Variants in ALK observed in about 807,000 individuals in gnomAD.
The protein encoded by ALK is ALK tyrosine kinase receptor.
In ALK, 74 loss-of-function variants were observed where a neutral mutation model predicts 163.1. The observed-to-expected ratio is 0.45, with a 90% CI of 0.38 to 0.55. The LOEUF is 0.55. Among genes scored for constraint, ALK ranks in the 20% least tolerant of loss-of-function variants. The pLI, the probability that ALK is intolerant of heterozygous loss-of-function variation, is 0.00. For synonymous variants in ALK, 960 were observed against 843.2 expected, an observed-to-expected ratio of 1.14 and a Z score of -2.40; for missense variants, 2,063 against 2,105.3, an observed-to-expected ratio of 0.98 and a Z score of 0.39.
At chr2:29,469,466 C>G (rs138327595) in intron 4 of ALK, among the ~76,000 whole-genome samples, 1 of 152,294 alleles carries the variant, frequency 6.6e-6, no homozygotes. Context: ...AGGGTGTTCT[C>G]TCTCAGAAAG....
chr2:29,719,347 C>T (rs1039186514), intron 1 of ALK, among the ~76,000 whole-genome samples: 1 of 152,170 alleles, frequency 6.6e-6, no homozygotes, highest in Non-Finnish European at 1.5e-5. Flanking sequence ...TGCAAAACAG[C>T]TCAGAGGAAA....
intron 3 of ALK, among the ~76,000 whole-genome samples, chr2:29,558,575 G>T (rs4322798): frequency 0.96 from 145,617 of 152,070 alleles, 70,016 homozygotes; most frequent in Non-Finnish European, 1. Flanking sequence ...TTCTTCCCCT[G>T]CTCTACCTTG....
At chr2:29,844,763 G>A (rs1665794246) in intron 1 of ALK, among the ~76,000 whole-genome samples, 1 of 151,904 alleles carries the variant, frequency 6.6e-6, no homozygotes, top group African/African-American at 2.4e-5. Flanking sequence ...TCATCAGCAG[G>A]GAAATTAGAG....
chr2:29,672,732 G>T (rs1006237690), intron 3 of ALK, among the ~76,000 whole-genome samples: 3 of 151,990 alleles, frequency 2.0e-5, no homozygotes, highest in African/African-American at 7.3e-5. Context: ...TCTACTTCTA[G>T]ATCCCTGAGG....
At chr2:29,554,525 A>G (rs937993526) in intron 3 of ALK, among the ~76,000 whole-genome samples, 9 of 152,188 alleles carry the variant, frequency 5.9e-5, no homozygotes, top group African/African-American at 2.2e-4. Flanking sequence ...TCAATGCTTA[A>G]AAGTCAGGAA....
At chr2:29,273,889 G>A (rs1441513979) in intron 11 of ALK, among the ~76,000 whole-genome samples, 1 of 152,174 alleles carries the variant, frequency 6.6e-6, no homozygotes, top group East Asian at 1.9e-4. Flanking sequence ...AAGTTAGAAG[G>A]CTGCCTCTAT....
intron 3 of ALK, among the ~76,000 whole-genome samples, chr2:29,589,634 T>C (rs1244540997): frequency 6.6e-6 from 1 of 152,234 alleles, no homozygotes. Flanking sequence ...CTTTAGGCTC[T>C]GACCGGACAA....
chr2:29,823,329 A>G (rs1043383612), intron 1 of ALK, among the ~76,000 whole-genome samples: 12 of 152,196 alleles, frequency 7.9e-5, no homozygotes, highest in African/African-American at 2.9e-4. Context: ...CTAATAAAGT[A>G]AATTGGTACC....
chr2:29,382,043 T>C (rs1668910781), intron 5 of ALK, among the ~76,000 whole-genome samples: 1 of 152,160 alleles, frequency 6.6e-6, no homozygotes, highest in African/African-American at 2.4e-5. Flanking sequence ...ACAGAGAACA[T>C]TTGCCTCCTC....
At chr2:29,848,075 C>T (rs1234166636) in intron 1 of ALK, among the ~76,000 whole-genome samples, 1 of 152,094 alleles carries the variant, frequency 6.6e-6, no homozygotes, top group Non-Finnish European at 1.5e-5. Flanking sequence ...CTCTTGGCTG[C>T]TGGTGAGGCT....
intron 9 of ALK, among the ~76,000 whole-genome samples, chr2:29,283,940 C>T (rs765614462): frequency 1.5e-4 from 23 of 152,012 alleles, no homozygotes; most frequent in South Asian, 1.0e-3. Context: ...ATGTGTAAGA[C>T]GTGGACCTTG....
intron 1 of ALK, among the ~76,000 whole-genome samples, chr2:29,829,033 G>A (rs994514795): frequency 1.6e-4 from 24 of 151,658 alleles, no homozygotes; most frequent in African/African-American, 5.6e-4. Context: ...GATGAAGCTG[G>A]AAACCATCAT....
At chr2:29,471,152 T>C (rs188704466) in intron 4 of ALK, among the ~76,000 whole-genome samples, 3 of 152,326 alleles carry the variant, frequency 2.0e-5, no homozygotes, top group Non-Finnish European at 4.4e-5. Flanking sequence ...TATAATTAAA[T>C]ACTTTTCTAC....
intron 4 of ALK, among the ~76,000 whole-genome samples, chr2:29,521,676 T>G (rs920236483): frequency 6.6e-6 from 1 of 152,186 alleles, no homozygotes; most frequent in Non-Finnish European, 1.5e-5. Flanking sequence ...AGGCTGGGCA[T>G]GAATGCAGAG....
At chr2:29,541,105 T>C (rs1325027286) in intron 3 of ALK, among the ~76,000 whole-genome samples, 1 of 152,240 alleles carries the variant, frequency 6.6e-6, no homozygotes, top group Non-Finnish European at 1.5e-5. Flanking sequence ...CTACCTGCAA[T>C]GCCACCTCCT....
chr2:29,682,430 G>A (rs1678103510), intron 3 of ALK, among the ~76,000 whole-genome samples: 1 of 152,052 alleles, frequency 6.6e-6, no homozygotes. Context: ...GCTCCAAATA[G>A]GATATAATCT....
chr2:29,693,655 C>A (rs1309657936), intron 3 of ALK, among the ~76,000 whole-genome samples: 29 of 152,156 alleles, frequency 1.9e-4, no homozygotes, highest in Admixed American at 1.9e-3. Flanking sequence ...CCTCCAATCT[C>A]CCTCATCAGC....
In ALK at chr2:29,207,275, G is replaced by A. The variant is rs2148152279; in HGVS notation, c.3837-3C>T. On this transcript the variant is annotated splice_polypyrimidine_tract_variant and splice_region_variant and intron_variant, in intron 25 of 28. Transcript: ENST00000389048. ...CTCCCTTTCTATAGTAGCTCGCCCT[G>A]TGGGGAAGGAGAGGAAAACCAAACT... 2 of 1,613,550 alleles carry A rather than the reference G, an allele frequency of 1.2e-6. No individual in the cohort carries two copies. The highest frequency in any genetic ancestry group is 1.7e-6 in the Non-Finnish European group (2 of 1,179,456).
intron 7 of ALK, among the ~76,000 whole-genome samples, chr2:29,318,908 A>G (rs1304670766): frequency 6.6e-6 from 1 of 152,076 alleles, no homozygotes. Context: ...CAGCACCATC[A>G]TCTGGGCTAC....
Sources: allele counts gnomAD v4.1 joint callset (sites outside exome capture counted in the v4.1 genomes callset), GRCh38; gene constraint gnomAD v4.1.1; transcripts MANE v1.5; gene names NCBI Gene and HGNC (gene_info 2026-07-23, HGNC 2026-07-21).